The following KCNIP4 variants were observed in gnomAD, a reference collection of about 807,000 sequenced individuals.
The protein encoded by KCNIP4 is potassium voltage-gated channel interacting protein 4, also known as Kv channel-interacting protein 4.
KCNIP4 carries 12 observed loss-of-function variants against 34.0 expected under a neutral mutation model. The observed-to-expected ratio is 0.35, with a 90% CI of 0.23 to 0.57. KCNIP4 has a LOEUF of 0.57. Among genes scored for constraint, KCNIP4 ranks in the 20% least tolerant of loss-of-function variants. The pLI, the probability that KCNIP4 is intolerant of heterozygous loss-of-function variation, is 0.83. For missense variants in KCNIP4, 238 were observed against 311.7 expected (o/e 0.76, Z 1.78); for synonymous variants, 124 against 102.2 (o/e 1.21, Z -1.29).
chr4:20,897,068 T>C (rs1026774114), intron 1 of KCNIP4, among the ~76,000 whole-genome samples: 1 of 152,138 alleles, frequency 6.6e-6, no homozygotes, highest in African/African-American at 2.4e-5. Flanking sequence ...TAGGTAAATA[T>C]CAGTTGAGGC....
chr4:21,283,424 C>T (rs952022696), intron 1 of KCNIP4, among the ~76,000 whole-genome samples: 1 of 151,980 alleles, frequency 6.6e-6, no homozygotes, highest in Admixed American at 6.6e-5. Context: ...CGTTTTCTCT[C>T]TCATGCCATA....
At chr4:21,309,335 A>G (rs946552458) in intron 1 of KCNIP4, among the ~76,000 whole-genome samples, 10 of 152,166 alleles carry the variant, frequency 6.6e-5, no homozygotes, top group African/African-American at 2.4e-4. Context: ...TTCAATTGCT[A>G]AAGTTGTGGT....
chr4:20,804,845 A>T (rs942345685), intron 3 of KCNIP4, among the ~76,000 whole-genome samples: 2 of 152,152 alleles, frequency 1.3e-5, no homozygotes, highest in African/African-American at 4.8e-5. Flanking sequence ...TGGAAACCTC[A>T]TCTCTACCTT....
chr4:21,812,687 T>C (rs193218671), intron 1 of KCNIP4, among the ~76,000 whole-genome samples: 2 of 152,316 alleles, frequency 1.3e-5, no homozygotes, highest in Non-Finnish European at 2.9e-5. Flanking sequence ...GACTCTGTTC[T>C]AGCATCACAC....
At chr4:21,579,021 G>T (rs2109067511) in intron 1 of KCNIP4, among the ~76,000 whole-genome samples, 1 of 152,066 alleles carries the variant, frequency 6.6e-6, no homozygotes, top group Admixed American at 6.5e-5. Flanking sequence ...TTTTTTTCGT[G>T]GTTTGTTTCT....
At chr4:21,408,204 T>G (rs947017496) in intron 1 of KCNIP4, among the ~76,000 whole-genome samples, 2 of 152,190 alleles carry the variant, frequency 1.3e-5, no homozygotes, top group African/African-American at 4.8e-5. Flanking sequence ...AAGTTAAGAT[T>G]TGTATTATCC....
chr4:21,343,771 C>T (rs1036772591), intron 1 of KCNIP4, among the ~76,000 whole-genome samples: 5 of 152,072 alleles, frequency 3.3e-5, no homozygotes, highest in Non-Finnish European at 5.9e-5. Flanking sequence ...GACGCAGGCT[C>T]TTTTTTGCCA....
intron 1 of KCNIP4, among the ~76,000 whole-genome samples, chr4:21,088,264 G>A (rs112400450): frequency 2.0e-5 from 3 of 152,030 alleles, no homozygotes; most frequent in Admixed American, 6.6e-5. Flanking sequence ...GAGGCGTCTT[G>A]TGGGAGGTAG....
chr4:21,914,792 A>G (rs577532318), intron 1 of KCNIP4, among the ~76,000 whole-genome samples: 11 of 152,136 alleles, frequency 7.2e-5, no homozygotes, highest in Non-Finnish European at 1.6e-4. Flanking sequence ...GCTCCCCAAG[A>G]GCAGTGGCAT....
At chr4:21,158,149 ATTAAAGTTACAG>A (rs1197281640) in intron 1 of KCNIP4, among the ~76,000 whole-genome samples, 1 of 152,194 alleles carries the variant, frequency 6.6e-6, no homozygotes, top group African/African-American at 2.4e-5. Flanking sequence ...TGTTAAACAC[ATTAAAGTTACAG>A]TTAAAAAATT....
At chr4:21,147,169 G>T (rs936731245) in intron 1 of KCNIP4, among the ~76,000 whole-genome samples, 1 of 152,048 alleles carries the variant, frequency 6.6e-6, no homozygotes, top group African/African-American at 2.4e-5. Flanking sequence ...CCTCCCTGAG[G>T]CTTGGCTGCA....
intron 1 of KCNIP4, among the ~76,000 whole-genome samples, chr4:21,719,974 A>AT: frequency 9.7e-6 from 1 of 102,666 alleles, no homozygotes; most frequent in Admixed American, 1.3e-4. Context: ...AAAAAAAAAA[A>AT]AAAAAGAAGA....
At chr4:21,024,447 G>A (rs1220140545) in intron 1 of KCNIP4, among the ~76,000 whole-genome samples, 2 of 152,186 alleles carry the variant, frequency 1.3e-5, no homozygotes, top group South Asian at 2.1e-4. Context: ...TTTTATTCTT[G>A]GAATTTTGGC....
At chr4:21,237,035 C>A (rs758851823) in intron 1 of KCNIP4, among the ~76,000 whole-genome samples, 18 of 150,888 alleles carry the variant, frequency 1.2e-4, no homozygotes, top group Non-Finnish European at 2.5e-4. Flanking sequence ...ATACATTCAA[C>A]GGGTACAAAT....
chr4:21,762,845 G>T, intron 1 of KCNIP4: 1 of 886,492 alleles, frequency 1.1e-6, no homozygotes, highest in Non-Finnish European at 1.6e-6. Context: ...GTATATATAA[G>T]TGTGAGAAAG....
In KCNIP4 at chr4:21,780,461, T is replaced by C. The variant is rs745446391; in HGVS notation, c.61+168110A>G. ...ACCACTCTCAACTGCCAAAGACTTG[T>C]GAGCTATTTTTTTGGAGAGGGTGAA... On this transcript the variant is annotated intron_variant, in intron 1 of 8. Transcript: ENST00000382152. Among the ~76,000 whole-genome samples, 233 of 152,226 alleles carry C rather than the reference T, an allele frequency of 1.5e-3. 3 individuals carry two copies. The highest frequency in any genetic ancestry group is 1.3e-3 in the Non-Finnish European group (87 of 68,006).
At chr4:20,731,542 C>G (rs1405983410) in intron 8 of KCNIP4, 6 of 985,238 alleles carry the variant, frequency 6.1e-6, no homozygotes, top group East Asian at 2.3e-4. Context: ...GTCAAAGAGC[C>G]ATTTCTTGTC....
intron 1 of KCNIP4, among the ~76,000 whole-genome samples, chr4:21,300,462 G>A (rs560311068): frequency 6.6e-6 from 1 of 152,068 alleles, no homozygotes; most frequent in South Asian, 2.1e-4. Context: ...CATGCCTACT[G>A]CACTGGCATT....
intron 3 of KCNIP4, among the ~76,000 whole-genome samples, chr4:20,806,160 TTTA>T (rs1448266061): frequency 5.9e-5 from 9 of 152,122 alleles, no homozygotes; most frequent in Non-Finnish European, 1.0e-4. Flanking sequence ...AATGAGTTTC[TTTA>T]TTGTCACTTT....
Sources: gnomAD v4.1 joint callset for allele counts (sites outside exome capture counted in the v4.1 genomes callset) on GRCh38, gnomAD v4.1.1 for gene constraint, MANE v1.5 for transcripts, NCBI Gene and HGNC (gene_info 2026-07-23, HGNC 2026-07-21) for gene names.